LANCL1: variants seen among roughly 807,000 people sequenced by gnomAD.
LANCL1 encodes glutathione S-transferase LANCL1.
A neutral mutation model predicts 50.6 loss-of-function variants in LANCL1; 50 were observed. The observed-to-expected ratio is 0.99, with a 90% CI of 0.79 to 1.25. The LOEUF (loss-of-function observed/expected upper bound fraction) is 1.25. Ranked by LOEUF, LANCL1 falls within the 50% of genes most tolerant of loss-of-function variation. The pLI, the probability that LANCL1 is intolerant of heterozygous loss-of-function variation, is 0.00. For missense variants in LANCL1, 532 were observed against 480.7 expected (o/e 1.11, Z -1.00); for synonymous variants, 188 against 178.6 (o/e 1.05, Z -0.42).
At chr2:210,436,663 T>G (rs547317581) in intron 7 of LANCL1, among the ~76,000 whole-genome samples, 1 of 152,316 alleles carries the variant, frequency 6.6e-6, no homozygotes, top group South Asian at 2.1e-4. Flanking sequence ...GGAAGCAGCA[T>G]TATTTAACTT....
chr2:210,472,075 A>G lies in LANCL1; in HGVS notation c.83T>C (p.Leu28Pro), dbSNP rs767529721. The part of the protein sequence containing the change: ...AEGYFDAAGR[L>P]TPEFSQRLTN... ...CAAGCGTTGTGAGAACTCAGGAGTC[A>G]GCTAGATATTAAAGGAAAACAAGTA... Residue 28 changes from leucine to proline, a missense_variant and splice_region_variant, in exon 3 of 10, where the codon CTG (leucine) becomes CCG (proline). Transcript: ENST00000450366. 1 of 1,606,600 alleles carries G rather than the reference A, an allele frequency of 6.2e-7. No homozygotes were observed. Among genetic ancestry groups the G allele is most frequent in the Non-Finnish European group, 8.5e-7 (1 of 1,173,370 alleles).
chr2:210,448,266 A>G (rs967065610), intron 4 of LANCL1, among the ~76,000 whole-genome samples: 3 of 152,240 alleles, frequency 2.0e-5, no homozygotes, highest in African/African-American at 4.8e-5. Flanking sequence ...GTAAATAACG[A>G]AATTAAGGCA....
intron 8 of LANCL1, 94 bp downstream of exon 8, chr2:210,436,122 C>G: frequency 9.1e-7 from 1 of 1,096,584 alleles, no homozygotes; most frequent in Non-Finnish European, 1.3e-6. Flanking sequence ...AACTCCTGAC[C>G]TCAGGTGATC....
chr2:210,473,371 A>G (rs1339758014), intron 2 of LANCL1, among the ~76,000 whole-genome samples: 1 of 151,940 alleles, frequency 6.6e-6, no homozygotes, highest in East Asian at 1.9e-4. Context: ...GCGAAACTCC[A>G]TCTCAAACAA....
chr2:210,459,991 T>C (rs778611422), intron 3 of LANCL1, among the ~76,000 whole-genome samples: 3 of 152,140 alleles, frequency 2.0e-5, no homozygotes, highest in Non-Finnish European at 2.9e-5. Context: ...AAGTAATTAA[T>C]ACTAAGCCTT....
At chr2:210,447,831 T>A (rs910955685) in intron 4 of LANCL1, among the ~76,000 whole-genome samples, 1 of 152,132 alleles carries the variant, frequency 6.6e-6, no homozygotes. Flanking sequence ...ATGCACCCAA[T>A]ACAGGAGCAC....
At chr2:210,441,483 AC>A in intron 4 of LANCL1, 40 bp from the exon 5 acceptor site, 1 of 1,573,832 alleles carries the variant, frequency 6.4e-7, no homozygotes, top group Non-Finnish European at 8.7e-7. Context: ...TTTGAAAGGA[AC>A]CAGGTATTGG....
chr2:210,468,452 A>G (rs565153775), intron 3 of LANCL1: 19 of 152,314 alleles, frequency 1.2e-4, no homozygotes, highest in African/African-American at 4.6e-4. Flanking sequence ...AAGTTACAGC[A>G]AAGACTACTA....
At chr2:210,443,036 T>C (rs1693194164) in intron 4 of LANCL1, among the ~76,000 whole-genome samples, 1 of 152,130 alleles carries the variant, frequency 6.6e-6, no homozygotes, top group Non-Finnish European at 1.5e-5. Flanking sequence ...TAAGCCCCCA[T>C]TGCTTTACTT....
At chr2:210,445,156 A>T (rs963973675) in intron 4 of LANCL1, among the ~76,000 whole-genome samples, 1 of 131,584 alleles carries the variant, frequency 7.6e-6, no homozygotes, top group African/African-American at 2.5e-5. Flanking sequence ...ACTATGAAAA[A>T]AAATTACTGT....
At chr2:210,438,133 C>CT (rs397869730) in intron 6 of LANCL1, among the ~76,000 whole-genome samples, 4,206 of 130,610 alleles carry the variant, frequency 0.032, 231 homozygotes, top group African/African-American at 0.1. Context: ...GTTTTTCTTT[C>CT]TTTTTTTTTT....
At chr2:210,462,451 T>C (rs577417625) in intron 3 of LANCL1, among the ~76,000 whole-genome samples, 4 of 152,340 alleles carry the variant, frequency 2.6e-5, no homozygotes, top group Middle Eastern at 3.4e-3. Flanking sequence ...AAGGAGAATT[T>C]TGGTGAAAAG....
Position 210,436,207 on chromosome 2 carries a change from G to C in LANCL1, c.1050+9C>G, listed in dbSNP as rs1441709448. 2.0e-5 allele frequency: 32 copies of C among 1,612,310 alleles called. No homozygotes were observed. Among genetic ancestry groups the C allele is most frequent in the Non-Finnish European group, 2.7e-5 (32 of 1,178,778 alleles). On this transcript the variant is annotated intron_variant, in intron 8 of 9. Transcript: ENST00000450366. ...GAGCTGCTTTCTATTTGGTGGTTCT[G>C]ACTCCTACCTTACAGGCCCTATACA...
chr2:210,441,000 A>G (rs1312883053), intron 5 of LANCL1, among the ~76,000 whole-genome samples: 1 of 152,156 alleles, frequency 6.6e-6, no homozygotes, highest in African/African-American at 2.4e-5. Context: ...AGAAAAGCAT[A>G]AACTCCTCTA....
chr2:210,444,130 AG>A (rs1485886454), intron 4 of LANCL1, among the ~76,000 whole-genome samples: 2 of 152,230 alleles, frequency 1.3e-5, no homozygotes, highest in Non-Finnish European at 2.9e-5. Flanking sequence ...CTCAGAAGGT[AG>A]GGGTAGAGCT....
chr2:210,455,381 G>A (rs563451873), intron 3 of LANCL1, 67 bp from the exon 4 acceptor site: 1 of 1,347,626 alleles, frequency 7.4e-7, no homozygotes, highest in Admixed American at 2.2e-5. Context: ...TTTTGGCATG[G>A]TGTCTACTCA....
chr2:210,471,718 C>T (rs1415997334), intron 3 of LANCL1: 1 of 713,404 alleles, frequency 1.4e-6, no homozygotes, highest in Non-Finnish European at 2.6e-6. Context: ...TAGCAGCCAT[C>T]CAAATGTCAG....
chr2:210,449,760 A>G (rs1373493412), intron 4 of LANCL1, among the ~76,000 whole-genome samples: 1 of 152,216 alleles, frequency 6.6e-6, no homozygotes, highest in African/African-American at 2.4e-5. Context: ...CAAAGAGAAT[A>G]AAATACCTGG....
chr2:210,435,526 G>A (rs1033783878), intron 8 of LANCL1, 67 bp from the exon 9 acceptor site: 17 of 1,196,582 alleles, frequency 1.4e-5, no homozygotes, highest in Non-Finnish European at 2.1e-5. Flanking sequence ...AAGTTAAGAG[G>A]TTGTCTATAC....
Sources: allele counts gnomAD v4.1 joint callset (sites outside exome capture counted in the v4.1 genomes callset), GRCh38; gene constraint gnomAD v4.1.1; transcripts MANE v1.5; gene names NCBI Gene and HGNC (gene_info 2026-07-23, HGNC 2026-07-21).